EFNA5: variants seen among roughly 807,000 people sequenced by gnomAD.
EFNA5 encodes ephrin A5, also known as ephrin-A5.
In EFNA5, 5 loss-of-function variants were observed where a neutral mutation model predicts 22.9. That is an observed-to-expected ratio of 0.22 (90% CI 0.11 to 0.46). The LOEUF (loss-of-function observed/expected upper bound fraction) is 0.46. Among genes scored for constraint, EFNA5 ranks in the 20% least tolerant of loss-of-function variants. EFNA5 has a pLI of 0.99. For missense variants in EFNA5, 237 were observed against 293.3 expected, an observed-to-expected ratio of 0.81 and a Z score of 1.40; for synonymous variants, 113 against 112.2, an observed-to-expected ratio of 1.01 and a Z score of -0.04.
At chr5:107,646,316 T>C (rs1458177323) in intron 1 of EFNA5, among the ~76,000 whole-genome samples, 2 of 152,196 alleles carry the variant, frequency 1.3e-5, no homozygotes, top group Non-Finnish European at 2.9e-5. Context: ...GATATACATA[T>C]ATCATGGTGT....
chr5:107,473,102 C>T (rs1750189279), intron 1 of EFNA5, among the ~76,000 whole-genome samples: 3 of 152,090 alleles, frequency 2.0e-5, no homozygotes, highest in Admixed American at 2.0e-4. Flanking sequence ...AACAACTCTG[C>T]CCTCTTCCAA....
chr5:107,543,193 C>T (rs936867142), intron 1 of EFNA5, among the ~76,000 whole-genome samples: 2 of 152,084 alleles, frequency 1.3e-5, no homozygotes, highest in East Asian at 1.9e-4. Flanking sequence ...TGCACACTCC[C>T]GGAGCCTCCA....
At chr5:107,475,277 C>T (rs1416054799) in intron 1 of EFNA5, among the ~76,000 whole-genome samples, 3 of 152,158 alleles carry the variant, frequency 2.0e-5, no homozygotes, top group Non-Finnish European at 4.4e-5. Context: ...CTGGTGCAAC[C>T]CCACCCTTGT....
chr5:107,561,634 C>T (rs1748546682), intron 1 of EFNA5, among the ~76,000 whole-genome samples: 1 of 152,122 alleles, frequency 6.6e-6, no homozygotes, highest in Admixed American at 6.6e-5. Context: ...TCCCAGAGTG[C>T]TGGGATTACA....
chr5:107,463,134 T>C (rs1749878870), intron 1 of EFNA5, among the ~76,000 whole-genome samples: 1 of 152,180 alleles, frequency 6.6e-6, no homozygotes, highest in South Asian at 2.1e-4. Context: ...TAATCTACTT[T>C]TATTTTTGCT....
chr5:107,567,914 A>G (rs1485516082), intron 1 of EFNA5, among the ~76,000 whole-genome samples: 3 of 152,176 alleles, frequency 2.0e-5, no homozygotes, highest in African/African-American at 4.8e-5. Context: ...ATTTTCTTAC[A>G]GTCAGGGTCT....
chr5:107,567,208 G>A (rs780445447), intron 1 of EFNA5, among the ~76,000 whole-genome samples: 42 of 151,538 alleles, frequency 2.8e-4, no homozygotes, highest in Non-Finnish European at 4.7e-4. Context: ...CTGGCATTCC[G>A]CACCAAAAAA....
chr5:107,645,260 A>G (rs983654275), intron 1 of EFNA5, among the ~76,000 whole-genome samples: 1 of 152,240 alleles, frequency 6.6e-6, no homozygotes. Flanking sequence ...CATAAAGATC[A>G]GTAAATCTGC....
At position 107,447,762 on chromosome 5, in the gene EFNA5, G is replaced by C. The variant is rs144189027; in HGVS notation, c.126-20253C>G. 8.8e-3 allele frequency among the ~76,000 whole-genome samples: 1,341 copies of C among 152,286 alleles called. 13 individuals carry two copies. The highest frequency in any genetic ancestry group is 0.014 in the Admixed American group (217 of 15,292). On this transcript the variant is annotated intron_variant, in intron 1 of 4. Transcript: ENST00000333274. ...TGTGAAAGCAAGGACAGTGTTGACA[G>C]CAAATGAGACCACCAAAGGAGGTTA... is the stretch of plus-strand genomic sequence containing the variant.
At chr5:107,667,838 T>C (rs1337581988) in intron 1 of EFNA5, among the ~76,000 whole-genome samples, 2 of 152,152 alleles carry the variant, frequency 1.3e-5, no homozygotes, top group Non-Finnish European at 1.5e-5. Flanking sequence ...GGAAAAGGAA[T>C]TGCACAACAG....
At chr5:107,447,675 G>A (rs1220492311) in intron 1 of EFNA5, among the ~76,000 whole-genome samples, 1 of 152,190 alleles carries the variant, frequency 6.6e-6, no homozygotes, top group Non-Finnish European at 1.5e-5. Context: ...GCCAGCACTT[G>A]CAGGATGGAC....
intron 1 of EFNA5, among the ~76,000 whole-genome samples, chr5:107,522,748 T>C (rs1268055498): frequency 1.3e-5 from 2 of 152,182 alleles, no homozygotes; most frequent in African/African-American, 2.4e-5. Context: ...GTCAACTTCA[T>C]TGACTACCCA....
chr5:107,525,671 G>A (rs939740552), intron 1 of EFNA5, among the ~76,000 whole-genome samples: 2 of 152,156 alleles, frequency 1.3e-5, no homozygotes, highest in African/African-American at 4.8e-5. Context: ...ATTATCATAA[G>A]TTTTCATTCT....
At chr5:107,464,051 A>G (rs1470463863) in intron 1 of EFNA5, among the ~76,000 whole-genome samples, 1 of 152,170 alleles carries the variant, frequency 6.6e-6, no homozygotes, top group Non-Finnish European at 1.5e-5. Context: ...AAGTTTTACT[A>G]TGAATCTTTA....
At chr5:107,549,941 C>T (rs1748251495) in intron 1 of EFNA5, among the ~76,000 whole-genome samples, 1 of 152,246 alleles carries the variant, frequency 6.6e-6, no homozygotes, top group South Asian at 2.1e-4. Flanking sequence ...ACCTATGGCT[C>T]TCTGGAAATG....
chr5:107,377,570 G>T lies in EFNA5; in HGVS notation c.*3685C>A, dbSNP rs749170335. 2.0e-5 allele frequency: 3 copies of T among 152,054 alleles called. No homozygotes were observed. Among genetic ancestry groups the T allele is most frequent in the Non-Finnish European group, 4.4e-5 (3 of 68,032 alleles). The allele number at this position is 152,054 out of a possible 1,614,324, so 9.4% of individuals were successfully genotyped here. On this transcript the variant is annotated 3_prime_UTR_variant, in exon 5 of 5. Coordinates refer to ENST00000333274, the MANE Select transcript of EFNA5 (RefSeq NM_001962.3). The stretch of plus-strand genomic sequence containing the variant: ...ACAAATGGCTGCTGCCGTTGCTAAG[G>T]CACCGGAGAAAAACAGAGTCCCTGA...
At chr5:107,458,524 G>A (rs1305013943) in intron 1 of EFNA5, among the ~76,000 whole-genome samples, 1 of 151,590 alleles carries the variant, frequency 6.6e-6, no homozygotes, top group Admixed American at 6.6e-5. Flanking sequence ...GAAACCAAAA[G>A]GTACAAAGGT....
At chr5:107,483,705 T>C (rs25997) in intron 1 of EFNA5, among the ~76,000 whole-genome samples, 81,877 of 152,028 alleles carry the variant, frequency 0.54, 22,676 homozygotes, top group East Asian at 0.84. Flanking sequence ...AGTATGACTT[T>C]TAAGAGAAAT....
intron 1 of EFNA5, among the ~76,000 whole-genome samples, chr5:107,531,569 G>A (rs563407720): frequency 1.4e-3 from 220 of 152,254 alleles, no homozygotes; most frequent in African/African-American, 3.6e-3. Context: ...GGAGGAGGAC[G>A]AAGAGGTAAG....
Sources: allele counts gnomAD v4.1 joint callset (sites outside exome capture counted in the v4.1 genomes callset), GRCh38; gene constraint gnomAD v4.1.1; transcripts MANE v1.5; gene names NCBI Gene and HGNC (gene_info 2026-07-23, HGNC 2026-07-21).